The following AR variants were observed in gnomAD, a reference collection of about 807,000 sequenced individuals.
AR encodes androgen receptor.
In AR, 8 loss-of-function variants were observed where a neutral mutation model predicts 53.9. That is an observed-to-expected ratio of 0.15 (90% CI 0.09 to 0.27). The LOEUF (loss-of-function observed/expected upper bound fraction) is 0.27. AR is among the 10% of genes least tolerant of loss of function. AR has a pLI of 1.00. For missense variants in AR, 639 were observed against 742.5 expected, an observed-to-expected ratio of 0.86 and a Z score of 1.62; for synonymous variants, 359 against 316.4, an observed-to-expected ratio of 1.13 and a Z score of -1.43.
intron 3 of AR, among the ~76,000 whole-genome samples, chrX:67,701,199 A>T (rs1346444987): frequency 8.9e-6 from 1 of 111,885 alleles, no homozygotes; most frequent in Non-Finnish European, 1.9e-5. Flanking sequence ...AATTAATTTA[A>T]TTTTTTAAAA....
At chrX:67,698,044 C>T (rs2076027891) in intron 3 of AR, among the ~76,000 whole-genome samples, 2 of 111,665 alleles carry the variant, frequency 1.8e-5, no homozygotes, top group Admixed American at 9.5e-5. Context: ...AACTGAGATA[C>T]CAAGAGGCTA....
At chrX:67,677,538 C>A (rs892917111) in intron 2 of AR, among the ~76,000 whole-genome samples, 2 of 111,937 alleles carry the variant, frequency 1.8e-5, no homozygotes, top group Admixed American at 9.5e-5. Flanking sequence ...CAATGGAAAG[C>A]TTGCAAAATA....
intron 1 of AR, among the ~76,000 whole-genome samples, chrX:67,625,807 G>C (rs1487754066): frequency 9.0e-6 from 1 of 111,440 alleles, no homozygotes; most frequent in Non-Finnish European, 1.9e-5. Context: ...ATAAATCTCA[G>C]AAGAAAATAT....
rs745985930 is a variant in AR at position 67,724,848 on chromosome X, GAGA to G, written c.*1013_*1015del. The G allele has an allele frequency of 1.6e-4, 27 of 173,293 alleles. No individual in the cohort carries two copies. The highest frequency in any genetic ancestry group is 6.5e-4 in the African/African-American group (22 of 33,647). The allele number at this position is 173,293 out of a possible 1,213,427, so 14.3% of individuals were successfully genotyped here. A position where few individuals can be genotyped will look rare whatever the true frequency, so the allele number is the denominator to read the frequency against. ...ACTTCCACAGAAAAGTCTGACCACTGAGAAGAAGGAGAGCAGAGATTTAACCCT... is the reference window on the plus strand; with the variant it reads ...ACTTCCACAGAAAAGTCTGACCACTGAGAAGGAGAGCAGAGATTTAACCCT... On this transcript the variant is annotated 3_prime_UTR_variant, in exon 8 of 8. Coordinates refer to ENST00000374690, the MANE Select transcript of AR (RefSeq NM_000044.6).
chrX:67,568,216 T>C lies in AR; in HGVS notation c.1616+21454T>C, dbSNP rs766634685. On this transcript the variant is annotated intron_variant, in intron 1 of 7. Transcript: ENST00000374690. ...AACTTGGTGAAAAGCATTACTCTTC[T>C]TTCCATTTCTGAGGACTAATTGTGC... Among the ~76,000 whole-genome samples the C allele has an allele frequency of 3.2e-4, 36 of 112,094 alleles. No individual in the cohort carries two copies. In the South Asian group the frequency reaches 0.013, roughly 42 times the overall value.
intron 1 of AR, among the ~76,000 whole-genome samples, chrX:67,577,629 A>G (rs1429301173): frequency 9.0e-6 from 1 of 111,429 alleles, no homozygotes; most frequent in Non-Finnish European, 1.9e-5. Context: ...CACATCCTCA[A>G]CAACACTCAT....
Position 67,545,992 on chromosome X carries a change from T to G in AR, c.846T>G (p.Thr282=), listed in dbSNP as rs1176437284. The part of the protein sequence containing the change: ...LLGVPPAVRP[T]PCAPLAECKG... ...GAGTTCCACCCGCTGTGCGTCCCAC[T>G]CCTTGTGCCCCATTGGCCGAATGCA... The change falls in exon 1 of 8, where the codon ACT becomes ACG. Residue 282 remains threonine, a synonymous_variant. Coordinates refer to ENST00000374690, the MANE Select transcript of AR (RefSeq NM_000044.6). The G allele has an allele frequency of 4.1e-6, 5 of 1,210,952 alleles. No individual in the cohort carries two copies. The highest frequency in any genetic ancestry group is 4.6e-4 in the Middle Eastern group (2 of 4,374).
chrX:67,641,958 A>T (rs1206611986), intron 1 of AR, among the ~76,000 whole-genome samples: 1 of 109,409 alleles, frequency 9.1e-6, no homozygotes, highest in Non-Finnish European at 1.9e-5. Context: ...CAATAGGGTA[A>T]TGGAAACTGT....
At position 67,730,480 on chromosome X, in the gene AR, C is replaced by T; in HGVS notation, c.*6639C>T. On this transcript the variant is annotated 3_prime_UTR_variant, in exon 8 of 8. Coordinates refer to ENST00000374690, the MANE Select transcript of AR (RefSeq NM_000044.6). ...TTGTGTAAAATATTGGCTTACTGGTCTGCCAGCTAAAACTTGGCCACATCC... is the reference window on the plus strand; with the variant it reads ...TTGTGTAAAATATTGGCTTACTGGTTTGCCAGCTAAAACTTGGCCACATCC... 5.7e-6 allele frequency: 1 copy of T among 174,034 alleles called. No individual in the cohort carries two copies. 14.3% of individuals were successfully genotyped at this position (174,034 alleles called of 1,213,427 possible).
rs1242286906 is a variant in AR, at chrX:67,726,361, A to G, written c.*2520A>G. ...TTCAGTTACACTAGGTTACATTTTA[A>G]TAGGTCCTTTACATCTGTTTTGGAA... On this transcript the variant is annotated 3_prime_UTR_variant, in exon 8 of 8. Transcript: ENST00000374690. 5.8e-6 allele frequency: 1 copy of G among 173,420 alleles called. No individual in the cohort carries two copies. Among genetic ancestry groups the G allele is most frequent in the Non-Finnish European group, 1.1e-5 (1 of 90,927 alleles). 14.3% of individuals were successfully genotyped at this position (173,420 alleles called of 1,213,427 possible).
intron 5 of AR, among the ~76,000 whole-genome samples, chrX:67,719,229 G>A (rs1049965702): frequency 2.7e-5 from 3 of 111,282 alleles, no homozygotes; most frequent in Non-Finnish European, 3.8e-5. Context: ...TCAGATCTCC[G>A]CAAAGTTGCC....
At position 67,643,988 on chromosome X, in the gene AR, T is replaced by C. The variant is rs766281078; in HGVS notation, c.1768+581T>C. On this transcript the variant is annotated intron_variant, in intron 2 of 7. Transcript: ENST00000374690. ...TAAGAACTCAGAGTGAAGAAACACATTTATTCTCCTCTCCAGAGACCTGAT... is the reference window on the plus strand; with the variant it reads ...TAAGAACTCAGAGTGAAGAAACACACTTATTCTCCTCTCCAGAGACCTGAT... 2.7e-5 allele frequency among the ~76,000 whole-genome samples: 3 copies of C among 112,199 alleles called. No homozygotes were observed. The South Asian group carries it at 1.1e-3, about 42-fold the overall frequency.
At chrX:67,617,559 A>G (rs1477113347) in intron 1 of AR, among the ~76,000 whole-genome samples, 1 of 111,908 alleles carries the variant, frequency 8.9e-6, no homozygotes, top group Non-Finnish European at 1.9e-5. Flanking sequence ...ATCATAGAAG[A>G]TATATCTTCC....
At chrX:67,637,196 C>CT in intron 1 of AR, among the ~76,000 whole-genome samples, 1 of 108,357 alleles carries the variant, frequency 9.2e-6, no homozygotes, top group East Asian at 3.0e-4. Flanking sequence ...TATTATTATA[C>CT]TTTAAGTTTT....
intron 3 of AR, among the ~76,000 whole-genome samples, chrX:67,700,131 T>C (rs779844020): frequency 9.0e-6 from 1 of 111,686 alleles, no homozygotes; most frequent in African/African-American, 3.3e-5. Flanking sequence ...CCCTTGCCAA[T>C]GGCCCTTTCT....
At chrX:67,656,960 G>T (rs1016262986) in intron 2 of AR, among the ~76,000 whole-genome samples, 1 of 109,976 alleles carries the variant, frequency 9.1e-6, no homozygotes, top group African/African-American at 3.3e-5. Context: ...GCTGTGATAA[G>T]TGTCATAAGA....
chrX:67,709,361 C>T (rs1185989406), intron 3 of AR, among the ~76,000 whole-genome samples: 2 of 112,220 alleles, frequency 1.8e-5, no homozygotes, highest in Non-Finnish European at 3.8e-5. Flanking sequence ...CCCCCAGCCT[C>T]ACTGCTGCCT....
chrX:67,683,289 G>C (rs1427562616), intron 2 of AR, among the ~76,000 whole-genome samples: 1 of 111,518 alleles, frequency 9.0e-6, no homozygotes, highest in Non-Finnish European at 1.9e-5. Context: ...CTAGATGTAA[G>C]AGACAATGTT....
chrX:67,592,921 A>G (rs1922905065), intron 1 of AR, among the ~76,000 whole-genome samples: 1 of 111,533 alleles, frequency 9.0e-6, no homozygotes, highest in African/African-American at 3.3e-5. Context: ...ATCCAGGGAA[A>G]TGCCATTTGA....
Sources: allele counts gnomAD v4.1 joint callset (sites outside exome capture counted in the v4.1 genomes callset), GRCh38; gene constraint gnomAD v4.1.1; transcripts MANE v1.5; gene names NCBI Gene and HGNC (gene_info 2026-07-23, HGNC 2026-07-21).